Variants in CCSER1 observed in about 807,000 individuals in gnomAD.
The protein encoded by CCSER1 is coiled-coil serine rich protein 1.
In CCSER1, 41 loss-of-function variants were observed where a neutral mutation model predicts 82.0. The observed-to-expected ratio is 0.50, with a 90% CI of 0.39 to 0.65. The LOEUF (loss-of-function observed/expected upper bound fraction) is 0.65, where lower values mean the gene tolerates loss of function less well. Ranked by LOEUF, CCSER1 falls within the 30% of genes least tolerant of loss-of-function variation. The pLI, the probability that CCSER1 is intolerant of heterozygous loss-of-function variation, is 0.00. For synonymous variants in CCSER1, 414 were observed against 383.9 expected, an observed-to-expected ratio of 1.08 and a Z score of -0.92; for missense variants, 1,119 against 1,064.2, an observed-to-expected ratio of 1.05 and a Z score of -0.72.
At chr4:91,053,719 G>T (rs763013639) in intron 9 of CCSER1, among the ~76,000 whole-genome samples, 1 of 152,222 alleles carries the variant, frequency 6.6e-6, no homozygotes, top group Non-Finnish European at 1.5e-5. Context: ...CTATGGATAA[G>T]TGAGCCTAAA....
intron 10 of CCSER1, among the ~76,000 whole-genome samples, chr4:91,324,933 G>A (rs977064651): frequency 9.2e-5 from 14 of 152,146 alleles, no homozygotes; most frequent in East Asian, 1.9e-4. Flanking sequence ...ATCACATGAC[G>A]AATTGTAATC....
chr4:90,244,485 TA>T (rs1421897077), intron 1 of CCSER1, among the ~76,000 whole-genome samples: 2 of 152,110 alleles, frequency 1.3e-5, no homozygotes, highest in East Asian at 3.9e-4. Context: ...CACAATGCCA[TA>T]AAAAAATACC....
At chr4:91,430,015 T>A (rs752998036) in intron 10 of CCSER1, among the ~76,000 whole-genome samples, 1 of 152,028 alleles carries the variant, frequency 6.6e-6, no homozygotes, top group Admixed American at 6.5e-5. Flanking sequence ...CTTTAAAAAA[T>A]TTTTAGCTTT....
intron 9 of CCSER1, among the ~76,000 whole-genome samples, chr4:91,038,670 CATT>C (rs1478626469): frequency 6.6e-6 from 1 of 152,146 alleles, no homozygotes; most frequent in African/African-American, 2.4e-5. Context: ...TTGGTTAAAA[CATT>C]GTTGGATTAC....
chr4:90,880,616 C>G (rs1359874539), intron 8 of CCSER1, among the ~76,000 whole-genome samples: 1 of 152,142 alleles, frequency 6.6e-6, no homozygotes, highest in Admixed American at 6.5e-5. Flanking sequence ...CAGGGAGTTG[C>G]CAAGTTTCTA....
chr4:90,482,343 T>A lies in CCSER1; in HGVS notation c.1724+13989T>A, dbSNP rs546830218. The stretch of plus-strand genomic sequence containing the variant: ...ACCAGCTCCTGGATTCATTGATTTT[T>A]TGAAGGGCTTTTTGTGTCTCTATTT... On this transcript the variant is annotated intron_variant, in intron 5 of 10. Transcript: ENST00000509176. Among the ~76,000 whole-genome samples, 3 of 152,354 alleles carry A rather than the reference T, an allele frequency of 2.0e-5. No homozygotes were observed. The South Asian group carries it at 6.2e-4, about 32-fold the overall frequency.
At chr4:90,910,551 T>G (rs2150188145) in intron 8 of CCSER1, among the ~76,000 whole-genome samples, 1 of 152,366 alleles carries the variant, frequency 6.6e-6, no homozygotes, top group Non-Finnish European at 1.5e-5. Context: ...GTATACTGTT[T>G]AATTTTGTAA....
intron 5 of CCSER1, among the ~76,000 whole-genome samples, chr4:90,575,351 TAGAA>T (rs1250450266): frequency 6.6e-6 from 1 of 152,060 alleles, no homozygotes; most frequent in Non-Finnish European, 1.5e-5. Flanking sequence ...GAGTAAGAGA[TAGAA>T]AGGAAGGGAG....
chr4:90,672,524 A>G (rs548570600), intron 6 of CCSER1, among the ~76,000 whole-genome samples: 3 of 152,158 alleles, frequency 2.0e-5, no homozygotes, highest in African/African-American at 7.2e-5. Context: ...TATTGAGATC[A>G]CAACTTTTTC....
chr4:91,079,766 G>A (rs554301453), intron 9 of CCSER1, among the ~76,000 whole-genome samples: 40 of 152,084 alleles, frequency 2.6e-4, no homozygotes, highest in Admixed American at 8.5e-4. Context: ...AGGGGTTGCC[G>A]TCCTAGTCTC....
chr4:91,565,188 T>C (rs963374413), intron 10 of CCSER1, among the ~76,000 whole-genome samples: 20 of 152,010 alleles, frequency 1.3e-4, no homozygotes, highest in East Asian at 5.8e-4. Context: ...TTTGTCAGCT[T>C]TGTTGAAGAT....
At chr4:90,952,372 C>T (rs1463158903) in intron 9 of CCSER1, among the ~76,000 whole-genome samples, 2 of 151,902 alleles carry the variant, frequency 1.3e-5, no homozygotes, top group Non-Finnish European at 2.9e-5. Context: ...TCAGAGATGC[C>T]ACTAAAAAGT....
chr4:91,437,984 G>A (rs1231464489), intron 10 of CCSER1, among the ~76,000 whole-genome samples: 1 of 152,148 alleles, frequency 6.6e-6, no homozygotes, highest in South Asian at 2.1e-4. Flanking sequence ...CAGGAAGCTC[G>A]AACTGGGTGG....
intron 1 of CCSER1, among the ~76,000 whole-genome samples, chr4:90,185,232 C>T (rs527965463): frequency 6.6e-6 from 1 of 152,092 alleles, no homozygotes; most frequent in Non-Finnish European, 1.5e-5. Flanking sequence ...TTATTTCAAC[C>T]TGCATTCATT....
chr4:91,549,827 C>T (rs1044298811), intron 10 of CCSER1, among the ~76,000 whole-genome samples: 6 of 151,132 alleles, frequency 4.0e-5, no homozygotes, highest in African/African-American at 1.2e-4. Context: ...AGAGCCAGAC[C>T]CTGTCTCAAA....
At chr4:90,143,684 C>CT (rs70963057) in intron 1 of CCSER1, among the ~76,000 whole-genome samples, 194 of 138,594 alleles carry the variant, frequency 1.4e-3, no homozygotes, top group Admixed American at 2.6e-3. Context: ...TCCATTCCTA[C>CT]TTTTTTTTTT....
intron 10 of CCSER1, among the ~76,000 whole-genome samples, chr4:91,260,855 G>C (rs1741068434): frequency 6.6e-6 from 1 of 152,076 alleles, no homozygotes; most frequent in Admixed American, 6.6e-5. Context: ...CCACCTCCCG[G>C]GTTCACGCCA....
rs554674935 is a variant in CCSER1 at position 90,382,835 on chromosome 4, A to C, written c.1510-17201A>C. Among the ~76,000 whole-genome samples, 159 of 152,140 alleles carry C rather than the reference A, an allele frequency of 1.0e-3. 1 individual carries two copies. The highest frequency in any genetic ancestry group is 3.4e-3 in the Middle Eastern group (1 of 294). On this transcript the variant is annotated intron_variant, in intron 3 of 10. Coordinates refer to ENST00000509176, the MANE Select transcript of CCSER1 (RefSeq NM_001145065.2). ...ACTGCAGATTTGTCATTAACTAAAA[A>C]ATGTTACATTTTATGTGTTAGAGTG...
chr4:90,976,051 A>G (rs1735583946), intron 9 of CCSER1, among the ~76,000 whole-genome samples: 1 of 151,278 alleles, frequency 6.6e-6, no homozygotes, highest in Admixed American at 6.6e-5. Flanking sequence ...CATTTTAAAA[A>G]GTCAGAGGTT....
Sources: gnomAD v4.1 joint callset for allele counts (sites outside exome capture counted in the v4.1 genomes callset) on GRCh38, gnomAD v4.1.1 for gene constraint, MANE v1.5 for transcripts, NCBI Gene and HGNC (gene_info 2026-07-23, HGNC 2026-07-21) for gene names.